Variants in ZNF280C observed in about 807,000 individuals in gnomAD.
ZNF280C encodes suppressor of hairy wing homolog 3.
A neutral mutation model predicts 53.6 loss-of-function variants in ZNF280C; 14 were observed. That is an observed-to-expected ratio of 0.26 (90% confidence interval 0.17 to 0.41). The LOEUF (loss-of-function observed/expected upper bound fraction) is 0.41, where lower values mean the gene tolerates loss of function less well. Ranked by LOEUF, ZNF280C falls within the 10% of genes least tolerant of loss-of-function variation. ZNF280C has a pLI of 1.00. For missense variants in ZNF280C, 416 were observed against 547.1 expected (o/e 0.76, Z 2.39); for synonymous variants, 203 against 181.1 (o/e 1.12, Z -0.97).
At chrX:130,232,304 C>T (rs1197957884) in intron 8 of ZNF280C, among the ~76,000 whole-genome samples, 1 of 62,169 alleles carries the variant, frequency 1.6e-5, no homozygotes, top group Non-Finnish European at 2.5e-5. Context: ...TAAACTGATC[C>T]TAATTGGAAT....
intron 1 of ZNF280C, among the ~76,000 whole-genome samples, chrX:130,266,261 A>G (rs968657049): frequency 2.3e-4 from 26 of 112,022 alleles, no homozygotes; most frequent in African/African-American, 8.1e-4. Flanking sequence ...AAAATGCTGT[A>G]TGATCTCACA....
At position 130,239,604 on chromosome X, in the gene ZNF280C, G is replaced by A. The variant is rs1267777415; in HGVS notation, c.471C>T (p.Asp157=). 1 of 1,194,175 alleles carries A rather than the reference G, an allele frequency of 8.4e-7. No homozygotes were observed. Among genetic ancestry groups the A allele is most frequent in the Admixed American group, 2.2e-5 (1 of 45,876 alleles). ...STQESLPPSQ[D]IPAIFREGMK... ...AACCTTCTCTAAAAATTGCTGGTAT[G>A]TCTTGGGATGGTGGTAGTGATTCCT... The change falls in exon 6 of 19, where the codon GAC becomes GAT. Residue 157 remains aspartate (D), a synonymous_variant. Coordinates refer to ENST00000370978, the MANE Select transcript of ZNF280C (RefSeq NM_017666.5).
intron 5 of ZNF280C, among the ~76,000 whole-genome samples, chrX:130,241,479 G>A (rs1174654135): frequency 8.9e-6 from 1 of 112,608 alleles, no homozygotes; most frequent in East Asian, 2.8e-4. Flanking sequence ...TACTTAATGG[G>A]GCTGAGTGCA....
At position 130,230,680 on chromosome X, in the gene ZNF280C, T is replaced by C; in HGVS notation, c.819A>G (p.Lys273=). 8.3e-7 allele frequency: 1 copy of C among 1,208,720 alleles called. No individual in the cohort carries two copies. The change falls in exon 9 of 19, where the codon AAA becomes AAG. Residue 273 remains lysine (K), a synonymous_variant. Transcript: ENST00000370978. ...TGTCTTCATCACATGGACGTTCTGATTTAACAATTACTCCCAAAAATTTAG... is the reference window on the plus strand; with the variant it reads ...TGTCTTCATCACATGGACGTTCTGACTTAACAATTACTCCCAAAAATTTAG... The part of the protein sequence containing the change: ...MITKFLGVIV[K]SERPCDEDKT...
rs1414811015 is a variant in ZNF280C at position 130,264,759 on chromosome X, T to C, written c.-17+4003A>G. Among the ~76,000 whole-genome samples, 3 of 111,715 alleles carry C rather than the reference T, an allele frequency of 2.7e-5. 1 individual carries two copies. Among genetic ancestry groups the C allele is most frequent in the African/African-American group, 9.7e-5 (3 of 30,772 alleles). On this transcript the variant is annotated intron_variant, in intron 1 of 18. Transcript: ENST00000370978. ...CTCAGCAAAATACTCATTCAATATA[T>C]GAAAGCTGATTCAAATGGCAATGGT...
chrX:130,227,691 A>G lies in ZNF280C; in HGVS notation c.1239T>C (p.Tyr413=), dbSNP rs996361210. ...TAAAATGTGTGTGTACCTGGCAAACATATGGCATTTCACCAGGTTTATGGG... is the reference window on the plus strand; with the variant it reads ...TAAAATGTGTGTGTACCTGGCAAACGTATGGCATTTCACCAGGTTTATGGG... ...KDTHKPGEMP[Y]VCQVCQFRSS... is the part of the protein sequence containing the mutation. The change falls in exon 11 of 19, where the codon TAT becomes TAC. Residue 413 remains tyrosine, a synonymous_variant. Transcript: ENST00000370978. The G allele has an allele frequency of 2.5e-6, 3 of 1,186,340 alleles. No homozygotes were observed. The highest frequency in any genetic ancestry group is 3.4e-6 in the Non-Finnish European group (3 of 874,400).
At chrX:130,263,317 CT>C (rs1280819894) in intron 1 of ZNF280C, among the ~76,000 whole-genome samples, 10 of 112,581 alleles carry the variant, frequency 8.9e-5, no homozygotes, top group Admixed American at 7.5e-4. Context: ...TACCCATCAA[CT>C]CAGGAATGGA....
chrX:130,259,038 G>A (rs1183757828), intron 2 of ZNF280C, among the ~76,000 whole-genome samples: 1 of 111,548 alleles, frequency 9.0e-6, no homozygotes, highest in African/African-American at 3.3e-5. Context: ...CCAACTCTTA[G>A]TTCAATTATA....
intron 6 of ZNF280C, 116 bp from the exon 7 acceptor site, chrX:130,236,755 G>C (rs575197308): frequency 4.7e-6 from 2 of 426,350 alleles, no homozygotes. Context: ...AAACAGTTTG[G>C]AACTAAGTTA....
intron 12 of ZNF280C, 93 bp downstream of exon 12, chrX:130,226,666 T>C (rs2032223883): frequency 1.1e-6 from 1 of 912,682 alleles, no homozygotes; most frequent in South Asian, 3.6e-5. Flanking sequence ...TTCTACGTTA[T>C]AGATAGATAT....
chrX:130,225,235 G>T (rs1242445462), intron 12 of ZNF280C, among the ~76,000 whole-genome samples: 3 of 110,661 alleles, frequency 2.7e-5, no homozygotes, highest in African/African-American at 9.9e-5. Context: ...AAAGAATTAT[G>T]TTAAAAAACC....
intron 6 of ZNF280C, among the ~76,000 whole-genome samples, chrX:130,237,664 G>T (rs1204664496): frequency 9.0e-6 from 1 of 111,278 alleles, no homozygotes; most frequent in Non-Finnish European, 1.9e-5. Context: ...TATATGCCAG[G>T]AAAGTAAGTA....
intron 12 of ZNF280C, among the ~76,000 whole-genome samples, chrX:130,222,927 A>G (rs1295189944): frequency 8.9e-6 from 1 of 112,497 alleles, no homozygotes; most frequent in Non-Finnish European, 1.9e-5. Context: ...GATTACAGGC[A>G]TGAGCCACTG....
chrX:130,238,785 C>CTA (rs1408710746), intron 6 of ZNF280C, among the ~76,000 whole-genome samples: 1 of 111,346 alleles, frequency 9.0e-6, no homozygotes, highest in Non-Finnish European at 1.9e-5. Flanking sequence ...ATTCATATGA[C>CTA]TATAATTTTT....
chrX:130,246,999 G>A lies in ZNF280C; in HGVS notation c.38C>T (p.Ser13Leu), dbSNP rs1417022371. ...DDKPFQPKNISKMAELFMECE... is the reference protein window; with the variant it reads ...DDKPFQPKNILKMAELFMECE... The stretch of plus-strand genomic sequence containing the variant: ...TTCCATAAAGAGTTCTGCCATTTTT[G>A]AAATGTCTAATTTTCAAGAGAAGAG... The change falls in exon 3 of 19, where the codon TCA becomes TTA. Residue 13 changes from serine (S) to leucine (L), a missense_variant. Ser to Leu is a moderately radical substitution (Grantham distance 145). This residue lies in a region of ZNF280C where 193 missense variants were observed against 201.4 expected (regional missense o/e 0.96). Transcript: ENST00000370978. The A allele has an allele frequency of 1.3e-5, 16 of 1,199,330 alleles. No homozygotes were observed. Among genetic ancestry groups the A allele is most frequent in the Non-Finnish European group, 1.8e-5 (16 of 891,794 alleles).
chrX:130,238,062 C>T, intron 6 of ZNF280C, among the ~76,000 whole-genome samples: 1 of 111,389 alleles, frequency 9.0e-6, no homozygotes, highest in Non-Finnish European at 1.9e-5. Context: ...TACCTCAACT[C>T]TTCTTATCTG....
chrX:130,266,239 A>T (rs1021665422), intron 1 of ZNF280C, among the ~76,000 whole-genome samples: 2 of 112,170 alleles, frequency 1.8e-5, no homozygotes, highest in Non-Finnish European at 3.8e-5. Flanking sequence ...GGATTCTCTT[A>T]TTCTCTGGGG....
At position 130,209,688 on chromosome X, in the gene ZNF280C, C is replaced by T. The variant is rs781516219; in HGVS notation, c.2007G>A (p.Arg669=). The part of the protein sequence containing the change: ...MSSHSNHPGK[R]FCIFKKHSGT... The stretch of plus-strand genomic sequence containing the variant: ...CTGAATGCTTCTTGAAAATACAAAA[C>T]CGTTTACCTGGATGGTTGCTATGAG... The change falls in exon 16 of 19, where the codon CGG becomes CGA. Residue 669 remains arginine, a synonymous_variant. Transcript: ENST00000370978. 2.7e-5 allele frequency: 33 copies of T among 1,207,241 alleles called. No homozygotes were observed. The highest frequency in any genetic ancestry group is 3.7e-5 in the Non-Finnish European group (33 of 893,322).
intron 16 of ZNF280C, among the ~76,000 whole-genome samples, chrX:130,205,821 G>A (rs763320654): frequency 5.6e-5 from 6 of 107,157 alleles, no homozygotes; most frequent in African/African-American, 1.4e-4. Flanking sequence ...CCCAGGAGGC[G>A]GAGGTTGCAG....
Sources: allele counts gnomAD v4.1 joint callset (sites outside exome capture counted in the v4.1 genomes callset), GRCh38; gene constraint gnomAD v4.1.1; regional missense constraint gnomAD v4.1.1; transcripts MANE v1.5; gene names NCBI Gene and HGNC (gene_info 2026-07-23, HGNC 2026-07-21).